PEAK1: variants seen among roughly 807,000 people sequenced by gnomAD.
PEAK1 encodes the protein pseudopodium enriched atypical kinase 1.
In PEAK1, 54 loss-of-function variants were observed where a neutral mutation model predicts 124.7. That is an observed-to-expected ratio of 0.43 (90% CI 0.35 to 0.54). PEAK1 has a LOEUF of 0.54. Among genes scored for constraint, PEAK1 ranks in the 20% least tolerant of loss-of-function variants. The pLI, the probability that PEAK1 is intolerant of heterozygous loss-of-function variation, is 0.01. For missense variants in PEAK1, 2,046 were observed against 2,134.5 expected (o/e 0.96, Z 0.82); for synonymous variants, 719 against 760.0 (o/e 0.95, Z 0.89).
At chr15:77,222,744 A>G (rs553183106) in intron 6 of PEAK1, among the ~76,000 whole-genome samples, 1 of 152,172 alleles carries the variant, frequency 6.6e-6, no homozygotes, top group East Asian at 1.9e-4. Flanking sequence ...CAGAGAAAGC[A>G]TGGAGCTCCC....
chr15:77,201,307 A>G (rs1472468687), intron 6 of PEAK1, among the ~76,000 whole-genome samples: 1 of 134,278 alleles, frequency 7.4e-6, no homozygotes, highest in African/African-American at 2.9e-5. Flanking sequence ...TTGAAATCTC[A>G]GCTCACTGCA....
Position 77,179,145 on chromosome 15 carries a change from A to G in PEAK1, c.2782T>C (p.Phe928Leu), listed in dbSNP as rs754369606. The G allele has an allele frequency of 6.2e-6, 10 of 1,614,098 alleles. No homozygotes were observed. The highest frequency in any genetic ancestry group is 8.5e-6 in the Non-Finnish European group (10 of 1,180,032). The change falls in exon 7 of 10, where the codon TTT (phenylalanine) becomes CTT (leucine). Residue 928 changes from phenylalanine (F) to leucine (L), a missense_variant. Phe to Leu is a conservative substitution (Grantham distance 22, BLOSUM62 0). Coordinates refer to ENST00000682557, the MANE Select transcript of PEAK1 (RefSeq NM_001385026.1). ...TTCCGACGGCGGAAGAAGCTTTTAA[A>G]TGATATCCAGCGCTTAGGTTTTGCA... is the stretch of plus-strand genomic sequence containing the variant. ...ADAKPKRWIS[F>L]KSFFRRRKTD... is the part of the protein sequence containing the mutation.
chr15:77,108,056 A>G (rs2050783143), downstream of PEAK1: 1 of 152,258 alleles, frequency 6.6e-6, no homozygotes, highest in Admixed American at 6.5e-5. Context: ...TGTTATGGAC[A>G]GGGCACCTAC....
At chr15:77,420,637 AC>A, upstream of PEAK1, 1 of 380,422 alleles carries the variant, frequency 2.6e-6, no homozygotes, top group Non-Finnish European at 4.6e-6. Context: ...AAAAAAAAAA[AC>A]TACATCTCCC....
chr15:77,217,632 A>G (rs534182575), intron 6 of PEAK1, among the ~76,000 whole-genome samples: 6 of 152,302 alleles, frequency 3.9e-5, no homozygotes, highest in African/African-American at 1.4e-4. Flanking sequence ...TAATCTTAAA[A>G]AAATTGGGCA....
intron 6 of PEAK1, among the ~76,000 whole-genome samples, chr15:77,227,224 C>G (rs2059717666): frequency 6.6e-6 from 1 of 152,134 alleles, no homozygotes; most frequent in Non-Finnish European, 1.5e-5. Flanking sequence ...TTTGTAATTA[C>G]TTGTTTTTCA....
chr15:77,131,311 G>A (rs1312427112), intron 9 of PEAK1, among the ~76,000 whole-genome samples: 4 of 152,100 alleles, frequency 2.6e-5, no homozygotes, highest in Admixed American at 1.3e-4. Context: ...TGGCCAACAC[G>A]GTGAAACCCC....
chr15:77,196,951 G>A (rs2058134316), intron 6 of PEAK1, among the ~76,000 whole-genome samples: 1 of 152,024 alleles, frequency 6.6e-6, no homozygotes, highest in Admixed American at 6.6e-5. Context: ...CCCAGGGTCA[G>A]GTGATCCTCT....
intron 4 of PEAK1, among the ~76,000 whole-genome samples, chr15:77,284,281 A>C (rs186226925): frequency 1.3e-5 from 2 of 152,342 alleles, no homozygotes; most frequent in Admixed American, 1.3e-4. Context: ...CAATGAAGTG[A>C]TCTCTAAAGA....
intron 2 of PEAK1, among the ~76,000 whole-genome samples, chr15:77,314,276 A>G (rs1387402648): frequency 6.6e-6 from 1 of 152,182 alleles, no homozygotes; most frequent in Non-Finnish European, 1.5e-5. Flanking sequence ...GTTCCAATGA[A>G]AAAAGTAAAA....
intron 8 of PEAK1, among the ~76,000 whole-genome samples, chr15:77,148,432 C>T (rs575010943): frequency 6.6e-6 from 1 of 152,294 alleles, no homozygotes; most frequent in Non-Finnish European, 1.5e-5. Flanking sequence ...TGTCACCTCT[C>T]CTCTGTTCCC....
chr15:77,118,477 G>A (rs1307740396), intron 9 of PEAK1, among the ~76,000 whole-genome samples: 1 of 151,772 alleles, frequency 6.6e-6, no homozygotes, highest in South Asian at 2.1e-4. Flanking sequence ...TAGTTCAAAA[G>A]TTATTTCAGA....
chr15:77,323,551 A>C (rs1006414233), intron 2 of PEAK1, among the ~76,000 whole-genome samples: 35 of 152,316 alleles, frequency 2.3e-4, no homozygotes, highest in African/African-American at 4.8e-4. Flanking sequence ...AAAGAGAATA[A>C]AATACCTAGG....
chr15:77,297,002 C>A (rs1168223341), intron 2 of PEAK1, among the ~76,000 whole-genome samples: 1 of 151,668 alleles, frequency 6.6e-6, no homozygotes, highest in African/African-American at 2.4e-5. Context: ...CTAAAATGAC[C>A]AAAATTGGAC....
At position 77,181,143 on chromosome 15, in the gene PEAK1, T is replaced by C. The variant is rs1453316993; in HGVS notation, c.784A>G (p.Met262Val). The C allele has an allele frequency of 3.7e-6, 6 of 1,614,100 alleles. No individual in the cohort carries two copies. The change falls in exon 7 of 10, where the codon ATG becomes GTG. Residue 262 changes from methionine to valine, a missense_variant. By Grantham distance (21) the Met-to-Val change is conservative (BLOSUM62 1). Transcript: ENST00000682557. ...WDESDEELLA[M>V]EIRMRGQPRF... Reference sequence around the variant, plus strand: ...GGTTGCCCTCTCATGCGAATCTCCATGGCCAACAGCTCTTCATCACTCTCA... The same window carrying C: ...GGTTGCCCTCTCATGCGAATCTCCACGGCCAACAGCTCTTCATCACTCTCA...
intron 1 of PEAK1, among the ~76,000 whole-genome samples, chr15:77,411,202 C>T (rs2072385119): frequency 6.6e-6 from 1 of 150,862 alleles, no homozygotes; most frequent in African/African-American, 2.4e-5. Flanking sequence ...GCCAACCCTG[C>T]TTGATTTACA....
At chr15:77,352,563 G>T in intron 2 of PEAK1, 1 of 951,160 alleles carries the variant, frequency 1.1e-6, no homozygotes, top group Non-Finnish European at 1.3e-6. Context: ...TTAGAAATAT[G>T]TCATTTTTTA....
chr15:77,264,845 C>T (rs1405035693), intron 5 of PEAK1, among the ~76,000 whole-genome samples: 1 of 151,756 alleles, frequency 6.6e-6, no homozygotes, highest in East Asian at 1.9e-4. Flanking sequence ...CACTACCTGA[C>T]TTCAAACTAT....
At chr15:77,382,781 C>T (rs1420428373) in intron 1 of PEAK1, among the ~76,000 whole-genome samples, 1 of 152,106 alleles carries the variant, frequency 6.6e-6, no homozygotes, top group Non-Finnish European at 1.5e-5. Flanking sequence ...TGGAATATGG[C>T]TATTAGCTTC....
Sources: gnomAD v4.1 joint callset for allele counts (sites outside exome capture counted in the v4.1 genomes callset) on GRCh38, gnomAD v4.1.1 for gene constraint, MANE v1.5 for transcripts, NCBI Gene and HGNC (gene_info 2026-07-23, HGNC 2026-07-21) for gene names.